LRCH3: variants seen among roughly 807,000 people sequenced by gnomAD.
LRCH3 encodes the protein leucine rich repeats and calponin homology domain containing 3, also known as DISP complex protein LRCH3.
In LRCH3, 68 loss-of-function variants were observed where a neutral mutation model predicts 104.5. That is an observed-to-expected ratio of 0.65 (90% CI 0.54 to 0.80). LRCH3 has a LOEUF of 0.80. Among genes scored for constraint, LRCH3 ranks in the 30% least tolerant of loss-of-function variants. The pLI is 0.00. For synonymous variants in LRCH3, 344 were observed against 361.3 expected (o/e 0.95, Z 0.54); for missense variants, 951 against 953.9 (o/e 1.00, Z 0.04).
At chr3:197,829,728 A>C in intron 6 of LRCH3, 55 bp downstream of exon 6, 1 of 1,217,708 alleles carries the variant, frequency 8.2e-7, no homozygotes, top group Non-Finnish European at 1.2e-6. Context: ...GAATCAAATA[A>C]AATGGATACT....
chr3:197,867,590 A>C (rs936661294), intron 17 of LRCH3, among the ~76,000 whole-genome samples: 1 of 151,936 alleles, frequency 6.6e-6, no homozygotes, highest in Non-Finnish European at 1.5e-5. Context: ...GCGGTGGCTC[A>C]CACTTGTAAT....
chr3:197,837,516 G>A (rs976308358), intron 9 of LRCH3, among the ~76,000 whole-genome samples: 4 of 152,112 alleles, frequency 2.6e-5, no homozygotes, highest in African/African-American at 4.8e-5. Context: ...CACAACCAGT[G>A]AAGTATCTTT....
At position 197,886,196 on chromosome 3, in the gene LRCH3, A is replaced by C. The variant is rs1714180326; in HGVS notation, c.*2530A>C. The C allele has an allele frequency of 6.6e-6, 1 of 151,660 alleles. No individual in the cohort carries two copies. The highest frequency in any genetic ancestry group is 1.5e-5 in the Non-Finnish European group (1 of 67,982). The allele number at this position is 151,660 out of a possible 1,614,324, so 9.4% of individuals were successfully genotyped here. A position where few individuals can be genotyped will look rare whatever the true frequency, so the allele number is the denominator to read the frequency against. ...TCCCAAAAATTAAAAAAAAAAAAAA[A>C]AAACCAGGTGTGGTGGCACCTGCCT... On this transcript the variant is annotated 3_prime_UTR_variant, in exon 21 of 21. Coordinates refer to ENST00000425562, the MANE Select transcript of LRCH3 (RefSeq NM_001365715.1).
intron 1 of LRCH3, among the ~76,000 whole-genome samples, chr3:197,792,590 T>TAAA (rs1208132464): frequency 1.2e-5 from 1 of 80,764 alleles, no homozygotes; most frequent in African/African-American, 3.9e-5. Flanking sequence ...TATATATATA[T>TAAA]ATATATATAT....
chr3:197,850,623 G>T, intron 12 of LRCH3: 1 of 1,576,038 alleles, frequency 6.3e-7, no homozygotes, highest in Non-Finnish European at 8.7e-7. Context: ...AATGACCAGA[G>T]AATCTACATC....
chr3:197,881,775 T>C (rs1713793894), intron 20 of LRCH3: 1 of 985,346 alleles, frequency 1.0e-6, no homozygotes, highest in Non-Finnish European at 1.2e-6. Flanking sequence ...TGAACTCAAG[T>C]GTGAAGAGAG....
chr3:197,818,804 T>G (rs1348917743), intron 3 of LRCH3, among the ~76,000 whole-genome samples: 1 of 152,148 alleles, frequency 6.6e-6, no homozygotes, highest in African/African-American at 2.4e-5. Flanking sequence ...ATATCCTCAG[T>G]CATATAAGGA....
At chr3:197,825,369 T>G in intron 4 of LRCH3, among the ~76,000 whole-genome samples, 1 of 150,928 alleles carries the variant, frequency 6.6e-6, no homozygotes, top group East Asian at 1.9e-4. Flanking sequence ...TCTTTTTTTT[T>G]TTTTTTAAAT....
chr3:197,865,431 C>T lies in LRCH3; in HGVS notation c.1725C>T (p.Asp575=), dbSNP rs201375313. 7 of 1,573,616 alleles carry T rather than the reference C, an allele frequency of 4.4e-6. No homozygotes were observed. Among genetic ancestry groups the T allele is most frequent in the Non-Finnish European group, 6.1e-6 (7 of 1,156,718 alleles). The part of the protein sequence containing the change: ...SSAFTPLKSD[D]RPNALLSSPA... Reference sequence around the variant, plus strand: ...TGTCTGTTTCTCCACAGAGTGATGACAGACCTAATGCTCTATTAAGTTCAC... The same window carrying T: ...TGTCTGTTTCTCCACAGAGTGATGATAGACCTAATGCTCTATTAAGTTCAC... Residue 575 remains aspartate (D), a synonymous_variant, in exon 16 of 21, where the codon GAC becomes GAT. Transcript: ENST00000425562.
At chr3:197,855,673 C>T (rs1303320897) in intron 14 of LRCH3, among the ~76,000 whole-genome samples, 1 of 152,178 alleles carries the variant, frequency 6.6e-6, no homozygotes, top group Non-Finnish European at 1.5e-5. Flanking sequence ...AGTCTGAGTG[C>T]CAAGACTTTT....
chr3:197,881,499 T>C (rs1713770765), intron 20 of LRCH3: 1 of 985,336 alleles, frequency 1.0e-6, no homozygotes, highest in South Asian at 4.7e-5. Context: ...ACTCCCAGCA[T>C]TCTGTTTAAA....
upstream of LRCH3, chr3:197,791,240 T>C (rs767538501): frequency 2.0e-5 from 32 of 1,599,588 alleles, no homozygotes; most frequent in Non-Finnish European, 2.6e-5. Flanking sequence ...CGGCCGCGCA[T>C]GCGCTGAGCT....
Position 197,883,817 on chromosome 3 carries a change from C to T in LRCH3, c.*151C>T, listed in dbSNP as rs2109587861. On this transcript the variant is annotated 3_prime_UTR_variant, in exon 21 of 21. Transcript: ENST00000425562. This position sits in a 1 kb window ranked among gnomAD's most constrained non-coding sequence, Gnocchi z 4.2. ...CTAACAGGAATATTTTGCTTCATTT[C>T]TCCATTTTAGGGGAGGTTATTTCCA... is the stretch of plus-strand genomic sequence containing the variant. 2.4e-6 allele frequency: 2 copies of T among 838,756 alleles called. No individual in the cohort carries two copies. Among genetic ancestry groups the T allele is most frequent in the Non-Finnish European group, 3.3e-6 (2 of 607,052 alleles). 52.0% of individuals were successfully genotyped at this position (838,756 alleles called of 1,614,324 possible). A position where few individuals can be genotyped will look rare whatever the true frequency, so the allele number is the denominator to read the frequency against.
At position 197,791,388 on chromosome 3, in the gene LRCH3, G is replaced by T. The variant is rs878970073; in HGVS notation, c.110G>T (p.Gly37Val). 4.4e-6 allele frequency: 7 copies of T among 1,596,422 alleles called. 1 individual carries two copies. In the South Asian group the frequency reaches 6.8e-5, roughly 15 times the overall value. Residue 37 changes from glycine to valine, a missense_variant, in exon 1 of 21, where the codon GGC (glycine) becomes GTC (valine). Coordinates refer to ENST00000425562, the MANE Select transcript of LRCH3 (RefSeq NM_001365715.1). The stretch of plus-strand genomic sequence containing the variant: ...CACTGCGGCCCAAGCTCCGGGGCAG[G>T]CCCTGGTTTTGGCCCGGGCTCGTGG... ...GVHCGPSSGA[G>V]PGFGPGSWSR...
At chr3:197,867,527 G>A (rs986910315) in intron 17 of LRCH3, among the ~76,000 whole-genome samples, 4 of 151,844 alleles carry the variant, frequency 2.6e-5, no homozygotes, top group African/African-American at 9.7e-5. Flanking sequence ...AGACCATCCT[G>A]TGCAACATGG....
Position 197,885,800 on chromosome 3 carries a change from G to T in LRCH3, c.*2134G>T, listed in dbSNP as rs1714155001. 1 of 152,164 alleles carries T rather than the reference G, an allele frequency of 6.6e-6. No individual in the cohort carries two copies. 9.4% of individuals were successfully genotyped at this position (152,164 alleles called of 1,614,324 possible). ...ATATCCTTTGGTGTTCACTGCCTTT[G>T]TAAAACAAGTAAATAAAGTAAGCGG... On this transcript the variant is annotated 3_prime_UTR_variant, in exon 21 of 21. Transcript: ENST00000425562.
chr3:197,791,557 G>C lies in LRCH3; in HGVS notation c.262+17G>C. ...CCCGGGCGGGTGAGCGGGGCGGGGG[G>C]CGTCTCTGCCCGTCGGAGACCCGGC... On this transcript the variant is annotated intron_variant, in intron 1 of 20. Transcript: ENST00000425562. 6.5e-7 allele frequency: 1 copy of C among 1,542,078 alleles called. No individual in the cohort carries two copies. The highest frequency in any genetic ancestry group is 1.2e-5 in the South Asian group (1 of 83,272).
chr3:197,839,754 AG>A (rs1176492127), intron 10 of LRCH3, among the ~76,000 whole-genome samples: 29 of 152,032 alleles, frequency 1.9e-4, no homozygotes, highest in African/African-American at 7.0e-4. Flanking sequence ...CCAAGACGGG[AG>A]GCTTGCTTGA....
intron 4 of LRCH3, among the ~76,000 whole-genome samples, chr3:197,824,919 C>T (rs1370688604): frequency 1.3e-5 from 2 of 152,240 alleles, no homozygotes; most frequent in African/African-American, 2.4e-5. Context: ...GTCCTAGACT[C>T]TGGATCTTCC....
Sources: gnomAD v4.1 joint callset for allele counts (sites outside exome capture counted in the v4.1 genomes callset) on GRCh38, gnomAD v4.1.1 for gene constraint, Gnocchi (gnomAD v3.1) non-coding constraint, MANE v1.5 for transcripts, NCBI Gene and HGNC (gene_info 2026-07-23, HGNC 2026-07-21) for gene names.